CLIC4: variants seen among roughly 807,000 people sequenced by gnomAD.
CLIC4 encodes CLIC family member 4.
CLIC4 carries 13 observed loss-of-function variants against 24.6 expected under a neutral mutation model. The ratio of observed to expected loss-of-function variants is 0.53; its 90% CI spans 0.34 to 0.84. The LOEUF (loss-of-function observed/expected upper bound fraction) is 0.84, where lower values mean the gene tolerates loss of function less well. CLIC4 is among the 40% of genes least tolerant of loss of function. CLIC4 has a pLI of 0.01. For missense variants in CLIC4, 227 were observed against 301.7 expected, an observed-to-expected ratio of 0.75 and a Z score of 1.83; for synonymous variants, 104 against 111.3, an observed-to-expected ratio of 0.93 and a Z score of 0.41.
intron 3 of CLIC4, among the ~76,000 whole-genome samples, chr1:24,822,723 C>A (rs1639747930): frequency 6.6e-6 from 1 of 152,122 alleles, no homozygotes; most frequent in Non-Finnish European, 1.5e-5. Flanking sequence ...ATTGAAACAG[C>A]ATGTTTGAAG....
intron 3 of CLIC4, among the ~76,000 whole-genome samples, chr1:24,819,820 A>G (rs979884437): frequency 3.4e-5 from 5 of 148,248 alleles, no homozygotes; most frequent in African/African-American, 5.0e-5. Flanking sequence ...ACTCACTGCA[A>G]CCTCCGCCTC....
intron 1 of CLIC4, among the ~76,000 whole-genome samples, chr1:24,785,873 A>AAAAAAAAAG (rs1639261484): frequency 6.6e-6 from 1 of 150,636 alleles, no homozygotes; most frequent in Admixed American, 6.6e-5. Flanking sequence ...AAAAAAAAAA[A>AAAAAAAAAG]AAAGAAAAGA....
chr1:24,797,323 C>T (rs1639415842), intron 1 of CLIC4, among the ~76,000 whole-genome samples: 1 of 151,584 alleles, frequency 6.6e-6, no homozygotes, highest in African/African-American at 2.4e-5. Flanking sequence ...CCTGTAATCC[C>T]AGCACTTTAG....
intron 1 of CLIC4, among the ~76,000 whole-genome samples, chr1:24,747,429 G>C (rs1638714052): frequency 6.6e-6 from 1 of 151,078 alleles, no homozygotes; most frequent in Non-Finnish European, 1.5e-5. Context: ...AGCTACTCGG[G>C]AGGCTGAGGC....
intron 1 of CLIC4, among the ~76,000 whole-genome samples, chr1:24,776,225 A>G (rs1639139218): frequency 6.6e-6 from 1 of 152,008 alleles, no homozygotes; most frequent in African/African-American, 2.4e-5. Flanking sequence ...TGCAGTGGTG[A>G]TGGTTGCTCT....
chr1:24,794,774 A>G (rs538344884), intron 1 of CLIC4, among the ~76,000 whole-genome samples: 8 of 152,302 alleles, frequency 5.3e-5, no homozygotes, highest in African/African-American at 9.6e-5. Context: ...GCCAGTTCCT[A>G]TGTCCAGAAT....
intron 1 of CLIC4, among the ~76,000 whole-genome samples, chr1:24,750,850 T>G (rs1282026358): frequency 6.6e-6 from 1 of 152,070 alleles, no homozygotes; most frequent in African/African-American, 2.4e-5. Context: ...AGCAAATAAA[T>G]GCTAGTTGTG....
intron 3 of CLIC4, among the ~76,000 whole-genome samples, chr1:24,825,394 A>T (rs916120729): frequency 2.0e-5 from 3 of 152,156 alleles, no homozygotes; most frequent in African/African-American, 7.2e-5. Flanking sequence ...AAATCCAGGG[A>T]TGGTGGATCT....
intron 1 of CLIC4, among the ~76,000 whole-genome samples, chr1:24,746,448 T>G (rs1638699331): frequency 6.6e-6 from 1 of 152,228 alleles, no homozygotes; most frequent in African/African-American, 2.4e-5. Flanking sequence ...ATTTATTTGC[T>G]TACACATACT....
rs539918711 is a variant in CLIC4, at chr1:24,771,611, G to A, written c.72+25986G>A. The stretch of plus-strand genomic sequence containing the variant: ...TTTATTAGTGTTTTTTGGCAAATTG[G>A]TGTGCATAGTATAGGAATATAAGCA... On this transcript the variant is annotated intron_variant, in intron 1 of 5. Coordinates refer to ENST00000374379, the MANE Select transcript of CLIC4 (RefSeq NM_013943.3). Among the ~76,000 whole-genome samples the A allele has an allele frequency of 5.9e-5, 9 of 152,090 alleles. No individual in the cohort carries two copies. The East Asian group carries it at 9.6e-4, about 16-fold the overall frequency.
At chr1:24,782,176 T>A (rs1176726289) in intron 1 of CLIC4, among the ~76,000 whole-genome samples, 1 of 152,162 alleles carries the variant, frequency 6.6e-6, no homozygotes, top group African/African-American at 2.4e-5. Flanking sequence ...TGTACTGTTA[T>A]AAGCTGAACT....
At chr1:24,760,642 C>T (rs1571231182) in intron 1 of CLIC4, among the ~76,000 whole-genome samples, 2 of 151,852 alleles carry the variant, frequency 1.3e-5, no homozygotes, top group Admixed American at 1.3e-4. Flanking sequence ...TTCTGCTTGC[C>T]AGAATAATAT....
intron 1 of CLIC4, among the ~76,000 whole-genome samples, chr1:24,763,574 A>G (rs1366570747): frequency 6.6e-6 from 1 of 150,696 alleles, no homozygotes; most frequent in African/African-American, 2.4e-5. Flanking sequence ...TCAAATCTAT[A>G]GTCTGGCATT....
chr1:24,802,143 G>A lies in CLIC4; in HGVS notation c.182+4292G>A, dbSNP rs983266746. Among the ~76,000 whole-genome samples, 3 of 152,164 alleles carry A rather than the reference G, an allele frequency of 2.0e-5. No individual in the cohort carries two copies. The South Asian group carries it at 6.2e-4, about 32-fold the overall frequency. Reference sequence around the variant, plus strand: ...GCCATTCTTTGAAAAAGCTGTCATTGAATAGTTTAATACAGTGCTTTAATT... The same window carrying A: ...GCCATTCTTTGAAAAAGCTGTCATTAAATAGTTTAATACAGTGCTTTAATT... On this transcript the variant is annotated intron_variant, in intron 2 of 5. Transcript: ENST00000374379.
intron 1 of CLIC4, among the ~76,000 whole-genome samples, chr1:24,756,679 G>T (rs1214789833): frequency 3.9e-5 from 6 of 152,022 alleles, no homozygotes; most frequent in African/African-American, 1.2e-4. Context: ...AACAAATATT[G>T]AAGAATACAA....
intron 3 of CLIC4, among the ~76,000 whole-genome samples, chr1:24,821,862 A>G (rs1639738148): frequency 6.6e-6 from 1 of 152,222 alleles, no homozygotes. Flanking sequence ...CTGGGATTAC[A>G]GGCGTGAGCC....
At chr1:24,769,771 C>G (rs905155822) in intron 1 of CLIC4, among the ~76,000 whole-genome samples, 1 of 152,108 alleles carries the variant, frequency 6.6e-6, no homozygotes, top group Non-Finnish European at 1.5e-5. Flanking sequence ...ATTACCTCAC[C>G]TCGTTGCATT....
chr1:24,772,075 A>G (rs936360916), intron 1 of CLIC4, among the ~76,000 whole-genome samples: 8 of 152,226 alleles, frequency 5.3e-5, no homozygotes, highest in African/African-American at 1.9e-4. Context: ...TAGAGCCAAT[A>G]CAAATTCTTC....
At chr1:24,765,400 A>G (rs1638980983) in intron 1 of CLIC4, among the ~76,000 whole-genome samples, 1 of 152,232 alleles carries the variant, frequency 6.6e-6, no homozygotes, top group African/African-American at 2.4e-5. Flanking sequence ...AGAAGAACTA[A>G]AAGATCACAT....
Sources: allele counts gnomAD v4.1 joint callset (sites outside exome capture counted in the v4.1 genomes callset), GRCh38; gene constraint gnomAD v4.1.1; transcripts MANE v1.5; gene names NCBI Gene and HGNC (gene_info 2026-07-23, HGNC 2026-07-21).